PRKD1: variants seen among roughly 807,000 people sequenced by gnomAD.
PRKD1 encodes the protein protein kinase D1.
In PRKD1, 63 loss-of-function variants were observed where a neutral mutation model predicts 95.9. That is an observed-to-expected ratio of 0.66 (90% CI 0.54 to 0.81). The LOEUF is 0.81. PRKD1 is among the 30% of genes least tolerant of loss of function. The pLI is 0.00. For synonymous variants in PRKD1, 425 were observed against 423.1 expected (o/e 1.00, Z -0.05); for missense variants, 1,048 against 1,165.3 (o/e 0.90, Z 1.47).
intron 13 of PRKD1, among the ~76,000 whole-genome samples, chr14:29,616,021 A>C (rs1414633266): frequency 6.6e-6 from 1 of 152,094 alleles, no homozygotes; most frequent in Admixed American, 6.5e-5. Flanking sequence ...AGCTGTATTA[A>C]GCAATGGCCT....
Position 29,597,624 on chromosome 14 carries a change from C to G in PRKD1, c.2301G>C (p.Trp767Cys). 1 of 1,614,042 alleles carries G rather than the reference C, an allele frequency of 6.2e-7. No homozygotes were observed. Among genetic ancestry groups the G allele is most frequent in the Non-Finnish European group, 8.5e-7 (1 of 1,179,986 alleles). ...NKGYNRSLDM[W>C]SVGVIIYVSL... is the part of the protein sequence containing the mutation. ...TTACATAGATGATGACCCCAACAGACCACATGTCTAGAGAGCGATTGTAGC... is the reference window on the plus strand; with the variant it reads ...TTACATAGATGATGACCCCAACAGAGCACATGTCTAGAGAGCGATTGTAGC... Residue 767 changes from tryptophan (W) to cysteine (C), a missense_variant, in exon 16 of 18, where the codon TGG (tryptophan) becomes TGC (cysteine). Transcript: ENST00000331968.
intron 4 of PRKD1, among the ~76,000 whole-genome samples, chr14:29,645,773 G>A (rs1881084434): frequency 6.6e-6 from 1 of 151,978 alleles, no homozygotes; most frequent in Non-Finnish European, 1.5e-5. Flanking sequence ...TTTCTTCATA[G>A]ATGGTTTCCT....
At chr14:29,797,773 C>T (rs1472342824) in intron 1 of PRKD1, among the ~76,000 whole-genome samples, 1 of 152,184 alleles carries the variant, frequency 6.6e-6, no homozygotes, top group Non-Finnish European at 1.5e-5. Flanking sequence ...GCTACCATGA[C>T]TTACAAGTGG....
At chr14:29,917,469 T>A (rs1419624095) in intron 1 of PRKD1, among the ~76,000 whole-genome samples, 3 of 152,138 alleles carry the variant, frequency 2.0e-5, no homozygotes, top group African/African-American at 7.2e-5. Context: ...TAGTCAAAAG[T>A]CAACTTAAAC....
intron 1 of PRKD1, among the ~76,000 whole-genome samples, chr14:29,767,586 A>G (rs1438612938): frequency 6.6e-6 from 1 of 152,120 alleles, no homozygotes; most frequent in East Asian, 1.9e-4. Context: ...AGGATCCATC[A>G]CTGGATTCAT....
intron 6 of PRKD1, among the ~76,000 whole-genome samples, chr14:29,637,492 A>C (rs1880463765): frequency 4.6e-5 from 7 of 152,204 alleles, no homozygotes; most frequent in Admixed American, 4.6e-4. Context: ...GTATAAGAAA[A>C]TAGAATTTCA....
chr14:29,774,095 G>GT (rs1398864382), intron 1 of PRKD1, among the ~76,000 whole-genome samples: 1 of 152,150 alleles, frequency 6.6e-6, no homozygotes, highest in Non-Finnish European at 1.5e-5. Context: ...AAATACTGGG[G>GT]TGTGGATAAG....
intron 1 of PRKD1, among the ~76,000 whole-genome samples, chr14:29,794,865 C>T (rs188583103): frequency 6.6e-6 from 1 of 152,156 alleles, no homozygotes; most frequent in African/African-American, 2.4e-5. Context: ...TTGATAAATT[C>T]TTCTAATTTA....
chr14:29,689,551 G>A (rs1036634296), intron 2 of PRKD1, among the ~76,000 whole-genome samples: 2 of 152,184 alleles, frequency 1.3e-5, no homozygotes, highest in African/African-American at 2.4e-5. Context: ...AGCCATTATG[G>A]AAGACAGTGT....
chr14:29,586,948 T>C (rs1482489259), intron 16 of PRKD1, among the ~76,000 whole-genome samples: 6 of 151,990 alleles, frequency 3.9e-5, no homozygotes, highest in African/African-American at 4.8e-5. Context: ...ATTAGACTCA[T>C]TGACCCTTAA....
At chr14:29,729,885 A>T (rs537476849) in intron 1 of PRKD1, among the ~76,000 whole-genome samples, 6 of 152,208 alleles carry the variant, frequency 3.9e-5, no homozygotes, top group Admixed American at 1.3e-4. Flanking sequence ...ATATAAAAAC[A>T]AACTCAAAAC....
chr14:29,869,443 G>GAAAAAAAAAAA (rs769297951), intron 1 of PRKD1, among the ~76,000 whole-genome samples: 1 of 116,306 alleles, frequency 8.6e-6, no homozygotes. Flanking sequence ...ATCTCAAAAA[G>GAAAAAAAAAAA]AAAAAAAAAA....
At chr14:29,861,655 C>T (rs896910052) in intron 1 of PRKD1, among the ~76,000 whole-genome samples, 13 of 151,784 alleles carry the variant, frequency 8.6e-5, no homozygotes, top group African/African-American at 2.7e-4. Flanking sequence ...GTTTTGTTTT[C>T]GTTTTTGTTT....
chr14:29,674,797 T>C (rs1281748941), intron 2 of PRKD1, among the ~76,000 whole-genome samples: 2 of 152,206 alleles, frequency 1.3e-5, no homozygotes, highest in Admixed American at 6.5e-5. Flanking sequence ...TTCAGAAATA[T>C]TCTGATAGGC....
At chr14:29,692,791 TA>T (rs1434338686) in intron 2 of PRKD1, among the ~76,000 whole-genome samples, 4 of 152,184 alleles carry the variant, frequency 2.6e-5, no homozygotes, top group Non-Finnish European at 5.9e-5. Context: ...CATGTCCTTA[TA>T]GGGGGACTGA....
chr14:29,770,930 C>CAAAAAAAA (rs753745571), intron 1 of PRKD1, among the ~76,000 whole-genome samples: 4 of 47,164 alleles, frequency 8.5e-5, no homozygotes, highest in East Asian at 5.3e-4. Context: ...AGACACTGTC[C>CAAAAAAAA]AAAAAAAAAA....
At chr14:29,890,192 T>A (rs1027792783) in intron 1 of PRKD1, among the ~76,000 whole-genome samples, 40 of 152,342 alleles carry the variant, frequency 2.6e-4, no homozygotes, top group African/African-American at 9.1e-4. Flanking sequence ...AGCAAAGAAC[T>A]GCTAGTTTCT....
chr14:29,634,618 T>A, intron 7 of PRKD1, 77 bp from the exon 8 acceptor site: 1 of 1,555,488 alleles, frequency 6.4e-7, no homozygotes, highest in Non-Finnish European at 8.8e-7. Context: ...AAACCTTATG[T>A]CAGCTAATCC....
At chr14:29,750,580 C>A (rs11622170) in intron 1 of PRKD1, among the ~76,000 whole-genome samples, 33,790 of 151,704 alleles carry the variant, frequency 0.22, 3,992 homozygotes, top group African/African-American at 0.27. Context: ...CAGCCTTGGA[C>A]AGGACATCAT....
Sources: allele counts gnomAD v4.1 joint callset (sites outside exome capture counted in the v4.1 genomes callset), GRCh38; gene constraint gnomAD v4.1.1; transcripts MANE v1.5; gene names NCBI Gene and HGNC (gene_info 2026-07-23, HGNC 2026-07-21).